The following AOX1 variants were observed in gnomAD, a reference collection of about 807,000 sequenced individuals.
AOX1 encodes the protein aldehyde oxidase 1, also known as aldehyde oxidase.
Under a neutral mutation model 169.5 loss-of-function variants are expected in AOX1, and 153 were observed. The ratio of observed to expected loss-of-function variants is 0.90; its 90% CI spans 0.79 to 1.03. The LOEUF is 1.03. AOX1 is among the 50% of genes least tolerant of loss of function. The pLI is 0.00. For missense variants in AOX1, 1,656 were observed against 1,663.9 expected (o/e 1.00, Z 0.08); for synonymous variants, 562 against 581.9 (o/e 0.97, Z 0.49).
At chr2:200,637,365 A>G (rs907438025) in intron 22 of AOX1, among the ~76,000 whole-genome samples, 1 of 152,170 alleles carries the variant, frequency 6.6e-6, no homozygotes, top group Non-Finnish European at 1.5e-5. Flanking sequence ...GGTCATATAT[A>G]TGGCTTTTTG....
intron 11 of AOX1, 52 bp from the exon 12 acceptor site, chr2:200,609,269 C>T (rs377102522): frequency 5.0e-6 from 8 of 1,596,608 alleles, no homozygotes; most frequent in Non-Finnish European, 6.9e-6. Context: ...CTTATTTTAG[C>T]ACTTGCTTTT....
chr2:200,636,792 C>A, intron 21 of AOX1, 119 bp from the exon 22 acceptor site: 1 of 1,169,876 alleles, frequency 8.5e-7, no homozygotes, highest in Non-Finnish European at 1.2e-6. Flanking sequence ...CTGTCACAGT[C>A]CATTTCAGGG....
chr2:200,671,509 T>G (rs533651103), downstream of AOX1: 3 of 152,224 alleles, frequency 2.0e-5, no homozygotes, highest in Admixed American at 1.3e-4. Flanking sequence ...TTTGAGTAGA[T>G]GTATCTCCAA....
chr2:200,642,549 G>A (rs937041848), intron 24 of AOX1, 61 bp from the exon 25 acceptor site: 1 of 1,524,066 alleles, frequency 6.6e-7, no homozygotes, highest in Middle Eastern at 1.8e-4. Context: ...TTGGTCTGAG[G>A]TCGTAGGATG....
chr2:200,658,968 T>A (rs1202650129), intron 27 of AOX1, among the ~76,000 whole-genome samples, 197 bp from the exon 28 acceptor site: 1 of 152,230 alleles, frequency 6.6e-6, no homozygotes, highest in Admixed American at 6.5e-5. Context: ...AAAGAAAGTG[T>A]GTTCAGGACT....
At position 200,627,413 on chromosome 2, in the gene AOX1, G is replaced by A; in HGVS notation, c.2185G>A (p.Asp729Asn). Residue 729 changes from aspartate (D) to asparagine (N), a missense_variant, in exon 20 of 35, where the codon GAC becomes AAC. Transcript: ENST00000374700. ...PERKLEYGNVDEAFKVVDQIL... is the reference protein window; with the variant it reads ...PERKLEYGNVNEAFKVVDQIL... ...AAGGAAACTGGAATATGGAAATGTT[G>A]ACGAAGCATTTAAAGTGGTTGATCA... The A allele has an allele frequency of 6.2e-7, 1 of 1,613,826 alleles. No homozygotes were observed. Among genetic ancestry groups the A allele is most frequent in the Non-Finnish European group, 8.5e-7 (1 of 1,179,746 alleles).
intron 4 of AOX1, among the ~76,000 whole-genome samples, chr2:200,598,560 T>C (rs74644936): frequency 1.3e-5 from 2 of 152,110 alleles, no homozygotes; most frequent in Admixed American, 6.5e-5. Context: ...CTGGCCAATG[T>C]AGTGAAACCC....
rs544451549 is a variant in AOX1, at chr2:200,659,104, C to T, written c.3172-61C>T. 3.1e-5 allele frequency: 48 copies of T among 1,554,398 alleles called. 1 individual carries two copies. In the South Asian group the frequency reaches 4.7e-4, roughly 15 times the overall value. On this transcript the variant is annotated intron_variant, in intron 27 of 34. Transcript: ENST00000374700. ...TATCACACATGTGTTACCACGTGGG[C>T]ATGTGCACAGGTCTGTGACTAATCA...
chr2:200,642,243 C>T (rs1419762958), intron 24 of AOX1, among the ~76,000 whole-genome samples: 14 of 152,118 alleles, frequency 9.2e-5, no homozygotes, highest in Admixed American at 8.5e-4. Context: ...ATACATTAGA[C>T]CCAATGCCAA....
At chr2:200,648,077 T>C (rs1182966264) in intron 25 of AOX1, among the ~76,000 whole-genome samples, 1 of 152,208 alleles carries the variant, frequency 6.6e-6, no homozygotes, top group East Asian at 1.9e-4. Context: ...ACCTCCTGAA[T>C]TCTTTTTCAG....
intron 26 of AOX1, 112 bp from the exon 27 acceptor site, chr2:200,656,730 G>T: frequency 1.4e-6 from 1 of 711,390 alleles, no homozygotes; most frequent in Non-Finnish European, 2.1e-6. Context: ...GCTCCACCCT[G>T]GGGGGTGCGG....
downstream of AOX1, chr2:200,678,737 A>C (rs1323747332): frequency 1.3e-5 from 2 of 151,918 alleles, no homozygotes; most frequent in East Asian, 1.9e-4. Context: ...AAAAAAAAAA[A>C]AAAACCTCTG....
At chr2:200,620,602 C>G in intron 16 of AOX1, 48 bp from the exon 17 acceptor site, 6 of 1,413,300 alleles carry the variant, frequency 4.2e-6, no homozygotes, top group Non-Finnish European at 5.6e-6. Context: ...ATAATTCCTA[C>G]TTTCTCTATA....
chr2:200,640,125 A>G (rs77257914), intron 23 of AOX1, among the ~76,000 whole-genome samples: 18,429 of 151,974 alleles, frequency 0.12, 1,277 homozygotes, highest in Non-Finnish European at 0.16. Context: ...GGTGTAATAA[A>G]CATGGCATGT....
At chr2:200,656,647 ATACTT>A (rs2105763944) in intron 26 of AOX1, among the ~76,000 whole-genome samples, 190 bp from the exon 27 acceptor site, 1 of 152,226 alleles carries the variant, frequency 6.6e-6, no homozygotes, top group South Asian at 2.1e-4. Flanking sequence ...CTACCTGTCT[ATACTT>A]TACTTTGTAT....
intron 26 of AOX1, among the ~76,000 whole-genome samples, chr2:200,655,044 A>G (rs1212146544): frequency 6.6e-6 from 1 of 152,224 alleles, no homozygotes; most frequent in Non-Finnish European, 1.5e-5. Flanking sequence ...TTGTAGCTTA[A>G]TCACATGGGC....
chr2:200,634,704 A>T lies in AOX1; in HGVS notation c.2222-87A>T, dbSNP rs1355189856. The T allele has an allele frequency of 4.6e-6, 7 of 1,516,280 alleles. No homozygotes were observed. In the African/African-American group the frequency reaches 5.5e-5, roughly 12 times the overall value. The allele number at this position is 1,516,280 out of a possible 1,614,324, so 93.9% of individuals were successfully genotyped here. On this transcript the variant is annotated intron_variant, in intron 20 of 34. Transcript: ENST00000374700. ...TGCCCAGCAGAAGTACTATTAGTGGAATTTCTGCATAACGGGATAATACCT... is the reference window on the plus strand; with the variant it reads ...TGCCCAGCAGAAGTACTATTAGTGGTATTTCTGCATAACGGGATAATACCT...
In AOX1 at chr2:200,593,142, A is replaced by G. The variant is rs779424881; in HGVS notation, c.46-4A>G. The stretch of plus-strand genomic sequence containing the variant: ...AACTAACTCTTATTTTCCCTTTGGT[A>G]TAGGTGATAGAAAAAAATGTCGATC... On this transcript the variant is annotated splice_polypyrimidine_tract_variant and splice_region_variant and intron_variant, in intron 1 of 34. Transcript: ENST00000374700. 6.2e-7 allele frequency: 1 copy of G among 1,611,236 alleles called. No individual in the cohort carries two copies. The highest frequency in any genetic ancestry group is 1.3e-5 in the African/African-American group (1 of 74,966).
At chr2:200,669,013 G>C (rs2035976482) in intron 33 of AOX1, among the ~76,000 whole-genome samples, 1 of 152,078 alleles carries the variant, frequency 6.6e-6, no homozygotes, top group African/African-American at 2.4e-5. Flanking sequence ...ATTGCCATCA[G>C]GTTCTATCTA....
Sources: allele counts gnomAD v4.1 joint callset (sites outside exome capture counted in the v4.1 genomes callset), GRCh38; gene constraint gnomAD v4.1.1; transcripts MANE v1.5; gene names NCBI Gene and HGNC (gene_info 2026-07-23, HGNC 2026-07-21).